The following VWF variants were observed in gnomAD, a reference collection of about 807,000 sequenced individuals.
VWF encodes Factor VIII related antigen.
Under a neutral mutation model 308.6 loss-of-function variants are expected in VWF, and 176 were observed. The observed-to-expected ratio is 0.57, with a 90% CI of 0.50 to 0.65. VWF has a LOEUF of 0.65. VWF is among the 30% of genes least tolerant of loss of function. The probability of loss-of-function intolerance (pLI) is 0.00; values close to 1 mark genes in which losing one functional copy is unlikely to be tolerated. For missense variants in VWF, 3,146 were observed against 3,648.2 expected (o/e 0.86, Z 3.55); for synonymous variants, 1,385 against 1,443.4 (o/e 0.96, Z 0.92).
intron 3 of VWF, among the ~76,000 whole-genome samples, chr12:6,119,098 T>C (rs1335778287): frequency 2.6e-5 from 4 of 152,224 alleles, no homozygotes; most frequent in Non-Finnish European, 5.9e-5. Context: ...ACCACTTCCC[T>C]GCTGCACAAG....
chr12:6,030,767 C>G (rs144322313), intron 21 of VWF, among the ~76,000 whole-genome samples: 118 of 152,340 alleles, frequency 7.7e-4, no homozygotes, highest in African/African-American at 2.7e-3. Flanking sequence ...GTGGCTCATG[C>G]CTGTAATCTC....
chr12:6,059,981 T>C (rs1944635297), intron 13 of VWF, among the ~76,000 whole-genome samples: 1 of 151,692 alleles, frequency 6.6e-6, no homozygotes, highest in African/African-American at 2.4e-5. Flanking sequence ...AGTTTGATGC[T>C]CCCCAAAGGC....
At chr12:6,069,000 G>A (rs1375915695) in intron 10 of VWF, among the ~76,000 whole-genome samples, 1 of 151,688 alleles carries the variant, frequency 6.6e-6, no homozygotes, top group Non-Finnish European at 1.5e-5. Flanking sequence ...GGGACTACAG[G>A]CACACACCAC....
At chr12:5,991,226 A>C (rs1943739537) in intron 38 of VWF, among the ~76,000 whole-genome samples, 1 of 150,732 alleles carries the variant, frequency 6.6e-6, no homozygotes, top group Non-Finnish European at 1.5e-5. Context: ...CACACGCTCC[A>C]TGATCAAATA....
chr12:6,083,779 G>A (rs1944940588), intron 6 of VWF, among the ~76,000 whole-genome samples: 2 of 152,158 alleles, frequency 1.3e-5, no homozygotes, highest in Non-Finnish European at 2.9e-5. Context: ...GCAGCTGGGG[G>A]CAGCCATATG....
At chr12:6,036,581 T>C (rs1386783340) in intron 18 of VWF, 90 bp from the exon 19 acceptor site, 1 of 1,259,604 alleles carries the variant, frequency 7.9e-7, no homozygotes, top group Non-Finnish European at 1.1e-6. Context: ...TGTCTGAGAC[T>C]TGAGCCTACG....
At chr12:6,092,148 C>T (rs1945041307) in intron 6 of VWF, among the ~76,000 whole-genome samples, 1 of 152,190 alleles carries the variant, frequency 6.6e-6, no homozygotes, top group Admixed American at 6.5e-5. Flanking sequence ...AAATCCTAAG[C>T]CCCCCTACCG....
chr12:6,034,940 C>A, intron 19 of VWF, 114 bp from the exon 20 acceptor site: 1 of 1,364,438 alleles, frequency 7.3e-7, no homozygotes, highest in East Asian at 2.5e-5. Context: ...CCCAACCCTC[C>A]AGGAAGCCCA....
chr12:6,112,104 T>C (rs1048756764), intron 3 of VWF, among the ~76,000 whole-genome samples: 1 of 152,172 alleles, frequency 6.6e-6, no homozygotes, highest in Admixed American at 6.5e-5. Context: ...AGTTTACAGA[T>C]CGTGTGGGTC....
At chr12:6,050,731 G>T (rs150166539) in intron 16 of VWF, among the ~76,000 whole-genome samples, 1 of 152,054 alleles carries the variant, frequency 6.6e-6, no homozygotes, top group Non-Finnish European at 1.5e-5. Context: ...AGGCCGAGGC[G>T]GGCAGATCAT....
intron 48 of VWF, among the ~76,000 whole-genome samples, 183 bp from the exon 49 acceptor site, chr12:5,952,702 G>T (rs1273035053): frequency 6.6e-6 from 1 of 152,182 alleles, no homozygotes; most frequent in African/African-American, 2.4e-5. Context: ...CAGTTTTACA[G>T]CTTGTATCCT....
At chr12:6,057,812 T>C (rs779803090) in intron 14 of VWF, 37 bp downstream of exon 14, 1 of 1,574,432 alleles carries the variant, frequency 6.4e-7, no homozygotes, top group East Asian at 2.2e-5. Context: ...ACCTCGAGAT[T>C]CTGCGAGGTC....
chr12:6,111,100 A>T, intron 3 of VWF, 132 bp from the exon 4 acceptor site: 1 of 750,140 alleles, frequency 1.3e-6, no homozygotes, highest in Non-Finnish European at 2.3e-6. Flanking sequence ...AGCGAGCAAC[A>T]AAAATCTCCC....
At chr12:6,016,994 C>CG in intron 28 of VWF, 124 bp from the exon 29 acceptor site, 1 of 1,028,868 alleles carries the variant, frequency 9.7e-7, no homozygotes. Flanking sequence ...CCAAGGGGGG[C>CG]GGGGGGTGCC....
intron 31 of VWF, among the ~76,000 whole-genome samples, chr12:6,014,965 A>G (rs216307): frequency 0.53 from 80,118 of 152,068 alleles, 21,254 homozygotes; most frequent in Middle Eastern, 0.67. Flanking sequence ...ATACTGAAGG[A>G]GAAAAAATCT....
At chr12:6,076,946 G>A (rs1482886695) in intron 6 of VWF, among the ~76,000 whole-genome samples, 1 of 152,196 alleles carries the variant, frequency 6.6e-6, no homozygotes, top group Admixed American at 6.5e-5. Flanking sequence ...AAGGAAATCA[G>A]TGTTCTAGCC....
chr12:6,099,334 A>T (rs976357014), intron 5 of VWF, among the ~76,000 whole-genome samples: 2 of 146,780 alleles, frequency 1.4e-5, no homozygotes, highest in Admixed American at 6.7e-5. Flanking sequence ...AAAAAAAAAA[A>T]AAAAAAACCA....
chr12:6,061,471 GAA>G (rs10559016), intron 13 of VWF, among the ~76,000 whole-genome samples: 19,575 of 121,164 alleles, frequency 0.16, 1,893 homozygotes, highest in African/African-American at 0.3. Context: ...TTCATAAAAG[GAA>G]AAAAAAAAAA....
Position 5,981,792 on chromosome 12 carries a change from G to A in VWF, c.7281C>T (p.Pro2427=), listed in dbSNP as rs151303589. 24 of 1,613,966 alleles carry A rather than the reference G, an allele frequency of 1.5e-5. No homozygotes were observed. The highest frequency in any genetic ancestry group is 4.0e-5 in the African/African-American group (3 of 74,914). ...DCGCTTTTCL[P]DKVCVHRSTI... ...ATAGCCAAGCAGTCCTTACCTTGTC[G>A]GGAAGGCAGGTGGTTGTGGTACAGC... The change falls in exon 42 of 52, where the codon CCC becomes CCT. Residue 2427 remains proline (P), a synonymous_variant. Transcript: ENST00000261405.
Sources: gnomAD v4.1 joint callset for allele counts (sites outside exome capture counted in the v4.1 genomes callset) on GRCh38, gnomAD v4.1.1 for gene constraint, MANE v1.5 for transcripts, NCBI Gene and HGNC (gene_info 2026-07-23, HGNC 2026-07-21) for gene names.